Variants in XYLT1 observed in about 807,000 individuals in gnomAD.
The protein encoded by XYLT1 is xylosyltransferase 1.
XYLT1 carries 36 observed loss-of-function variants against 91.3 expected under a neutral mutation model. The observed-to-expected ratio is 0.39, with a 90% CI of 0.30 to 0.52. XYLT1 has a LOEUF of 0.52. Among genes scored for constraint, XYLT1 ranks in the 20% least tolerant of loss-of-function variants. The probability of loss-of-function intolerance (pLI) is 0.68; values close to 1 mark genes in which losing one functional copy is unlikely to be tolerated. For synonymous variants in XYLT1, 588 were observed against 532.0 expected, an observed-to-expected ratio of 1.11 and a Z score of -1.45; for missense variants, 1,242 against 1,284.5, an observed-to-expected ratio of 0.97 and a Z score of 0.51.
intron 1 of XYLT1, among the ~76,000 whole-genome samples, chr16:17,462,939 A>C (rs958145667): frequency 6.6e-6 from 1 of 152,234 alleles, no homozygotes; most frequent in Non-Finnish European, 1.5e-5. Flanking sequence ...CCCACACTTT[A>C]ATATCAACTC....
chr16:17,184,739 T>C (rs919838004), intron 5 of XYLT1, among the ~76,000 whole-genome samples: 1 of 152,158 alleles, frequency 6.6e-6, no homozygotes, highest in African/African-American at 2.4e-5. Context: ...AGAATCTCAA[T>C]GAGCATCTAT....
intron 5 of XYLT1, among the ~76,000 whole-genome samples, chr16:17,159,246 C>T (rs1377834361): frequency 6.6e-6 from 1 of 152,172 alleles, no homozygotes. Context: ...AAGCTAAATG[C>T]ACAGCAACCT....
chr16:17,365,358 C>T (rs979508776), intron 1 of XYLT1, among the ~76,000 whole-genome samples: 7 of 152,108 alleles, frequency 4.6e-5, no homozygotes, highest in Admixed American at 6.5e-5. Flanking sequence ...AGGCTGGGCA[C>T]GTGCAGGGCA....
chr16:17,372,246 GCTAA>G (rs2035544667), intron 1 of XYLT1, among the ~76,000 whole-genome samples: 2 of 152,212 alleles, frequency 1.3e-5, no homozygotes, highest in African/African-American at 4.8e-5. Flanking sequence ...GATTTCACAT[GCTAA>G]CTGTGTTTAC....
At chr16:17,364,607 G>C (rs1442884293) in intron 1 of XYLT1, among the ~76,000 whole-genome samples, 1 of 152,194 alleles carries the variant, frequency 6.6e-6, no homozygotes. Flanking sequence ...CGTGACGGCA[G>C]TGAACTGAGC....
intron 2 of XYLT1, among the ~76,000 whole-genome samples, chr16:17,273,759 G>A (rs1373526145): frequency 2.7e-5 from 4 of 150,084 alleles, no homozygotes; most frequent in East Asian, 2.0e-4. Context: ...CAGAAGGATC[G>A]CTTGAACCCG....
intron 11 of XYLT1, among the ~76,000 whole-genome samples, chr16:17,114,913 C>T (rs1286648405): frequency 6.6e-6 from 1 of 152,040 alleles, no homozygotes; most frequent in Non-Finnish European, 1.5e-5. Context: ...GGCGTGATCT[C>T]AGTTCACTGC....
chr16:17,235,927 C>T (rs2033240608), intron 3 of XYLT1, among the ~76,000 whole-genome samples: 1 of 152,132 alleles, frequency 6.6e-6, no homozygotes, highest in South Asian at 2.1e-4. Flanking sequence ...GGTGCAGTGG[C>T]CCAACTGCTG....
intron 2 of XYLT1, among the ~76,000 whole-genome samples, chr16:17,315,056 T>C (rs1445331626): frequency 7.9e-5 from 12 of 152,284 alleles, no homozygotes; most frequent in Admixed American, 3.9e-4. Flanking sequence ...ACTCATGATT[T>C]AAAAGAGCAG....
intron 2 of XYLT1, among the ~76,000 whole-genome samples, chr16:17,350,339 C>T (rs770278936): frequency 2.0e-5 from 3 of 152,162 alleles, no homozygotes; most frequent in Admixed American, 6.5e-5. Flanking sequence ...TGGCTATTTG[C>T]GGAATGTTGT....
At position 17,129,135 on chromosome 16, in the gene XYLT1, G is replaced by A. The variant is rs145747338; in HGVS notation, c.2028-1274C>T. ...TCAGATGGTTTGTTGGGCATTCACC[G>A]TTCATGCAAACCTGTTTTAAATCTG... On this transcript the variant is annotated intron_variant, in intron 9 of 11. Transcript: ENST00000261381. Among the ~76,000 whole-genome samples the A allele has an allele frequency of 5.3e-3, 795 of 149,130 alleles. 7 individuals carry two copies. Among genetic ancestry groups the A allele is most frequent in the African/African-American group, 0.018 (740 of 40,628 alleles).
At chr16:17,437,654 TAA>T in intron 1 of XYLT1, among the ~76,000 whole-genome samples, 1 of 152,108 alleles carries the variant, frequency 6.6e-6, no homozygotes, top group East Asian at 1.9e-4. Flanking sequence ...GTTGTTTAGA[TAA>T]AGAGAAGAGA....
At chr16:17,191,427 T>G (rs980454440) in intron 5 of XYLT1, among the ~76,000 whole-genome samples, 7 of 152,236 alleles carry the variant, frequency 4.6e-5, no homozygotes, top group African/African-American at 1.7e-4. Context: ...GGATCTGTGC[T>G]GAACATTATC....
At chr16:17,215,721 C>T (rs938079433) in intron 3 of XYLT1, among the ~76,000 whole-genome samples, 3 of 152,000 alleles carry the variant, frequency 2.0e-5, no homozygotes, top group Non-Finnish European at 2.9e-5. Flanking sequence ...GGAAAAGTGT[C>T]CCTAAGTGGA....
At chr16:17,396,069 AAAAC>A (rs1282966889) in intron 1 of XYLT1, among the ~76,000 whole-genome samples, 1 of 152,240 alleles carries the variant, frequency 6.6e-6, no homozygotes, top group Non-Finnish European at 1.5e-5. Flanking sequence ...CGACGCATGA[AAAAC>A]AAAGGCGTCT....
chr16:17,253,807 C>A (rs1422858581), intron 3 of XYLT1, among the ~76,000 whole-genome samples: 2 of 146,328 alleles, frequency 1.4e-5, no homozygotes, highest in African/African-American at 5.1e-5. Flanking sequence ...GCCCTGCCTT[C>A]TTCTCCCTTG....
intron 1 of XYLT1, among the ~76,000 whole-genome samples, chr16:17,386,967 G>A (rs1281625869): frequency 6.6e-6 from 1 of 152,150 alleles, no homozygotes; most frequent in African/African-American, 2.4e-5. Context: ...ATTATAAAAG[G>A]TAAGATCCTT....
intron 5 of XYLT1, among the ~76,000 whole-genome samples, chr16:17,168,506 A>G (rs2141553774): frequency 6.6e-6 from 1 of 152,282 alleles, no homozygotes; most frequent in Admixed American, 6.5e-5. Flanking sequence ...TACCTAGGTA[A>G]TGGGGGCCTT....
chr16:17,233,196 A>C (rs2033194833), intron 3 of XYLT1, among the ~76,000 whole-genome samples: 1 of 152,190 alleles, frequency 6.6e-6, no homozygotes, highest in Admixed American at 6.5e-5. Flanking sequence ...CTCGATGAGA[A>C]TTTTGCATCC....
Sources: gnomAD v4.1 joint callset for allele counts (sites outside exome capture counted in the v4.1 genomes callset) on GRCh38, gnomAD v4.1.1 for gene constraint, MANE v1.5 for transcripts, NCBI Gene and HGNC (gene_info 2026-07-23, HGNC 2026-07-21) for gene names.